Variants in PPP4R2 observed in about 807,000 individuals in gnomAD.
PPP4R2 encodes the protein protein phosphatase 4 regulatory subunit 2, also known as serine/threonine-protein phosphatase 4 regulatory subunit 2.
PPP4R2 carries 13 observed loss-of-function variants against 47.2 expected under a neutral mutation model. The observed-to-expected ratio is 0.28, with a 90% CI of 0.18 to 0.44. The LOEUF (loss-of-function observed/expected upper bound fraction) is 0.44. Among genes scored for constraint, PPP4R2 ranks in the 20% least tolerant of loss-of-function variants. The pLI, the probability that PPP4R2 is intolerant of heterozygous loss-of-function variation, is 1.00. For missense variants in PPP4R2, 421 were observed against 491.2 expected (o/e 0.86, Z 1.35); for synonymous variants, 151 against 163.3 (o/e 0.92, Z 0.57).
intron 2 of PPP4R2, among the ~76,000 whole-genome samples, chr3:73,028,377 C>T (rs1702108248): frequency 6.6e-6 from 1 of 151,152 alleles, no homozygotes; most frequent in Non-Finnish European, 1.5e-5. Context: ...CAGGGGAAGT[C>T]TCATTTAGAA....
chr3:73,012,358 G>A (rs888415058), intron 2 of PPP4R2, among the ~76,000 whole-genome samples: 2 of 151,912 alleles, frequency 1.3e-5, no homozygotes, highest in South Asian at 2.1e-4. Flanking sequence ...GGAGTGCAGC[G>A]GCGCAATCTC....
chr3:73,024,623 G>A (rs1575855455), intron 2 of PPP4R2, among the ~76,000 whole-genome samples: 2 of 152,098 alleles, frequency 1.3e-5, no homozygotes, highest in South Asian at 4.1e-4. Flanking sequence ...GCCCAAAGGA[G>A]TTTCTTTTCT....
intron 2 of PPP4R2, among the ~76,000 whole-genome samples, chr3:73,020,333 CA>C: frequency 6.6e-6 from 1 of 152,210 alleles, no homozygotes; most frequent in African/African-American, 2.4e-5. Context: ...AGACTACAAG[CA>C]CACATCCCCA....
chr3:73,059,292 C>T (rs1702794232), intron 4 of PPP4R2, among the ~76,000 whole-genome samples, 162 bp downstream of exon 4: 1 of 152,112 alleles, frequency 6.6e-6, no homozygotes, highest in South Asian at 2.1e-4. Context: ...TTCTGTTTTA[C>T]AGAGAGATTT....
chr3:73,054,226 C>G (rs937369751), intron 3 of PPP4R2, among the ~76,000 whole-genome samples: 2 of 152,186 alleles, frequency 1.3e-5, no homozygotes, highest in Non-Finnish European at 2.9e-5. Context: ...CTAATTTCGC[C>G]TCTTTTAATA....
chr3:73,022,874 A>T (rs904295161), intron 2 of PPP4R2, among the ~76,000 whole-genome samples: 3 of 125,794 alleles, frequency 2.4e-5, no homozygotes, highest in Non-Finnish European at 5.3e-5. Context: ...ATTGGATAGT[A>T]CAAGCAACTT....
rs1701352691 is a variant in PPP4R2, at chr3:72,996,868, C to G, written c.-170C>G. ...TTGGGGAGGTGCTCGCTCTGTCGGTCTTGCTCTCTCGCACGCTTCCCCCGG... is the reference window on the plus strand; with the variant it reads ...TTGGGGAGGTGCTCGCTCTGTCGGTGTTGCTCTCTCGCACGCTTCCCCCGG... On this transcript the variant is annotated 5_prime_UTR_variant, in exon 1 of 9. Coordinates refer to ENST00000356692, the MANE Select transcript of PPP4R2 (RefSeq NM_174907.4). The G allele has an allele frequency of 4.7e-6, 2 of 421,406 alleles. No homozygotes were observed. Among genetic ancestry groups the G allele is most frequent in the East Asian group, 7.2e-5 (2 of 27,912 alleles). The allele number at this position is 421,406 out of a possible 1,614,324, so 26.1% of individuals were successfully genotyped here.
chr3:73,064,394 A>G (rs185497187), intron 7 of PPP4R2, among the ~76,000 whole-genome samples: 2 of 152,314 alleles, frequency 1.3e-5, no homozygotes, highest in Admixed American at 6.5e-5. Flanking sequence ...ATGATGATCC[A>G]TTTCATTTGT....
At chr3:73,028,881 T>A (rs72889054) in intron 2 of PPP4R2, among the ~76,000 whole-genome samples, 1 of 152,060 alleles carries the variant, frequency 6.6e-6, no homozygotes, top group Non-Finnish European at 1.5e-5. Flanking sequence ...GGGGGAAATA[T>A]AATGTAGGGC....
At chr3:73,033,084 T>A (rs1313393078) in intron 2 of PPP4R2, among the ~76,000 whole-genome samples, 1 of 152,236 alleles carries the variant, frequency 6.6e-6, no homozygotes, top group Non-Finnish European at 1.5e-5. Flanking sequence ...AGTCTCAGTA[T>A]TCTAGATACC....
intron 2 of PPP4R2, among the ~76,000 whole-genome samples, chr3:73,030,158 ATCCAT>A (rs1702141199): frequency 6.6e-6 from 1 of 152,224 alleles, no homozygotes; most frequent in Non-Finnish European, 1.5e-5. Context: ...GGTGGGAATG[ATCCAT>A]TATTAGCAAA....
At chr3:73,005,879 A>T (rs1010717074) in intron 2 of PPP4R2, among the ~76,000 whole-genome samples, 1 of 150,772 alleles carries the variant, frequency 6.6e-6, no homozygotes, top group Non-Finnish European at 1.5e-5. Context: ...GACATACAAT[A>T]CACTGTATTT....
intron 4 of PPP4R2, 84 bp downstream of exon 4, chr3:73,059,214 C>T (rs1048667934): frequency 1.2e-5 from 8 of 646,516 alleles, no homozygotes; most frequent in Admixed American, 3.4e-5. Context: ...AGATCTGTTT[C>T]GGGTACCACT....
chr3:72,998,157 A>T lies in PPP4R2; in HGVS notation c.115A>T (p.Met39Leu). The change falls in exon 2 of 9, where the codon ATG (methionine) becomes TTG (leucine). Residue 39 changes from methionine (M) to leucine (L), a missense_variant and splice_region_variant. Met to Leu is a conservative substitution (Grantham distance 15). Transcript: ENST00000356692. Reference protein sequence around the residue: ...LCHVAKTGETMIQWSQFKGYF... With the variant: ...LCHVAKTGETLIQWSQFKGYF... ...TCATGTAGCCAAGACTGGAGAAACA[A>T]TGTGAGTTGAAAACATGCATTTGTC... is the stretch of plus-strand genomic sequence containing the variant. 1 of 1,596,840 alleles carries T rather than the reference A, an allele frequency of 6.3e-7. No homozygotes were observed. The highest frequency in any genetic ancestry group is 8.5e-7 in the Non-Finnish European group (1 of 1,170,946).
chr3:73,055,315 CT>C (rs902386070), intron 3 of PPP4R2, among the ~76,000 whole-genome samples: 14 of 151,822 alleles, frequency 9.2e-5, no homozygotes, highest in Non-Finnish European at 1.2e-4. Context: ...TCATGATAAT[CT>C]TTGAAGTGTA....
At chr3:73,047,647 T>C (rs1224209359) in intron 3 of PPP4R2, among the ~76,000 whole-genome samples, 7 of 152,262 alleles carry the variant, frequency 4.6e-5, no homozygotes, top group Non-Finnish European at 1.0e-4. Context: ...GTCTTCATAC[T>C]TTATATAGAA....
chr3:73,059,173 T>C, intron 4 of PPP4R2, 43 bp downstream of exon 4: 1 of 976,362 alleles, frequency 1.0e-6, no homozygotes, highest in South Asian at 1.5e-5. Context: ...TGTGGTGTAA[T>C]AGCTTTTATT....
chr3:73,021,774 G>A (rs997062658), intron 2 of PPP4R2, among the ~76,000 whole-genome samples: 2 of 151,820 alleles, frequency 1.3e-5, no homozygotes, highest in Admixed American at 6.6e-5. Context: ...TATTGCGGGT[G>A]CTGTGGTGAG....
intron 2 of PPP4R2, among the ~76,000 whole-genome samples, chr3:73,038,122 A>C (rs1317869258): frequency 6.6e-6 from 1 of 152,154 alleles, no homozygotes; most frequent in South Asian, 2.1e-4. Context: ...TTGGTTATCA[A>C]CTAGATTGTA....
Sources: gnomAD v4.1 joint callset for allele counts (sites outside exome capture counted in the v4.1 genomes callset) on GRCh38, gnomAD v4.1.1 for gene constraint, MANE v1.5 for transcripts, NCBI Gene and HGNC (gene_info 2026-07-23, HGNC 2026-07-21) for gene names.